Variants in RP1 observed in about 807,000 individuals in gnomAD.
RP1 encodes oxygen-regulated protein 1.
Under a neutral mutation model 14.8 loss-of-function variants are expected in RP1, and 16 were observed. That is an observed-to-expected ratio of 1.08 (90% CI 0.73 to 1.65). RP1 has a LOEUF of 1.65. Ranked by LOEUF, RP1 falls within the 40% of genes most tolerant of loss-of-function variation. RP1 has a pLI of 0.00. For missense variants in RP1, 2,631 were observed against 2,535.0 expected (o/e 1.04, Z -0.81); for synonymous variants, 876 against 883.6 (o/e 0.99, Z 0.15).
exon 29 of RP1, chr8:54,870,532 G>T (rs987253372): frequency 6.6e-6 from 1 of 152,180 alleles, no homozygotes; most frequent in Admixed American, 6.5e-5. Context: ...GGGTCCACTT[G>T]CAGTTTGAGC....
At chr8:54,685,807 C>G (rs1807550200) in intron 12 of RP1, among the ~76,000 whole-genome samples, 1 of 152,178 alleles carries the variant, frequency 6.6e-6, no homozygotes, top group African/African-American at 2.4e-5. Context: ...TTGAATGCAG[C>G]TGATGCAACA....
At chr8:54,763,479 C>T (rs1410945212) in intron 22 of RP1, among the ~76,000 whole-genome samples, 3 of 152,058 alleles carry the variant, frequency 2.0e-5, no homozygotes, top group African/African-American at 7.2e-5. Flanking sequence ...ATGCAAATAA[C>T]TACAAATAAT....
Position 54,626,547 on chromosome 8 carries a change from A to G in RP1, c.2665A>G (p.Thr889Ala). The change falls in exon 4 of 4, where the codon ACA becomes GCA. Residue 889 changes from threonine to alanine, a missense_variant. Coordinates refer to ENST00000220676, the MANE Select transcript of RP1 (RefSeq NM_006269.2). ...ASAILSKQHA[T>A]TRANSLASLK... ...TGCTATTTTAAGTAAACAACATGCT[A>G]CAACCAGGGCAAATTCTTTAGCTTC... The G allele has an allele frequency of 6.2e-7, 1 of 1,613,670 alleles. No homozygotes were observed. Among genetic ancestry groups the G allele is most frequent in the Admixed American group, 1.7e-5 (1 of 59,994 alleles).
intron 19 of RP1, among the ~76,000 whole-genome samples, chr8:54,746,166 T>C (rs190818224): frequency 1.1e-4 from 17 of 152,338 alleles, no homozygotes; most frequent in Non-Finnish European, 2.2e-4. Flanking sequence ...ACTTATGGAA[T>C]GCTTTTTTTT....
intron 15 of RP1, among the ~76,000 whole-genome samples, chr8:54,715,347 T>C (rs1365460261): frequency 6.6e-6 from 1 of 152,194 alleles, no homozygotes; most frequent in Non-Finnish European, 1.5e-5. Context: ...CTTTAATCAG[T>C]TTGTATTTGA....
chr8:54,663,370 GAA>G (rs1050600987), intron 6 of RP1, among the ~76,000 whole-genome samples: 1 of 150,902 alleles, frequency 6.6e-6, no homozygotes, highest in Non-Finnish European at 1.5e-5. Flanking sequence ...GATATGGAAA[GAA>G]AAAAAAAGTA....
At chr8:54,754,800 C>T (rs1405916621) in intron 19 of RP1, 5 of 1,490,742 alleles carry the variant, frequency 3.4e-6, no homozygotes, top group Non-Finnish European at 3.6e-6. Flanking sequence ...CTTCTAATTC[C>T]AGGTGACCAT....
intron 25 of RP1, among the ~76,000 whole-genome samples, chr8:54,844,363 T>C (rs1311252848): frequency 6.6e-6 from 1 of 152,234 alleles, no homozygotes; most frequent in Non-Finnish European, 1.5e-5. Context: ...CACCAACCTA[T>C]AGAAGGACCT....
chr8:54,607,742 G>A (rs2091939), intron 1 of RP1, among the ~76,000 whole-genome samples: 13,403 of 152,122 alleles, frequency 0.088, 1,871 homozygotes, highest in African/African-American at 0.3. Flanking sequence ...CCTCGGCAAC[G>A]GCACGGACCC....
intron 27 of RP1, among the ~76,000 whole-genome samples, chr8:54,865,268 C>A (rs1220169589): frequency 6.6e-6 from 1 of 152,018 alleles, no homozygotes; most frequent in African/African-American, 2.4e-5. Flanking sequence ...TAAGTCATAT[C>A]TTCTGTGAAT....
At chr8:54,863,074 T>TATATGCA (rs1812386554) in intron 27 of RP1, among the ~76,000 whole-genome samples, 1 of 145,962 alleles carries the variant, frequency 6.9e-6, no homozygotes. Context: ...TATATATATA[T>TATATGCA]ATATGCAGAA....
intron 24 of RP1, among the ~76,000 whole-genome samples, chr8:54,804,143 TG>T (rs3077303): frequency 0.67 from 100,205 of 149,904 alleles, 33,628 homozygotes; most frequent in African/African-American, 0.77. Context: ...ATTACATATG[TG>T]GGGGGGGGCT....
At chr8:54,679,912 G>A in exon 12 of RP1, 1 of 1,536,000 alleles carries the variant, frequency 6.5e-7, no homozygotes, top group Non-Finnish European at 8.7e-7. Flanking sequence ...TGACGCCATT[G>A]GAGAGAAGAC....
At chr8:54,731,966 C>T (rs1453926916) in intron 17 of RP1, among the ~76,000 whole-genome samples, 1 of 152,172 alleles carries the variant, frequency 6.6e-6, no homozygotes, top group East Asian at 1.9e-4. Context: ...CTCAGACCAC[C>T]ACCATACTTT....
At chr8:54,770,026 C>T (rs552448600), downstream of RP1, 14 of 485,154 alleles carry the variant, frequency 2.9e-5, no homozygotes, top group African/African-American at 2.4e-4. Context: ...TAAGGATTTG[C>T]CTCTGTTAAA....
At chr8:54,730,730 T>C (rs1034875749) in intron 17 of RP1, among the ~76,000 whole-genome samples, 1 of 152,262 alleles carries the variant, frequency 6.6e-6, no homozygotes, top group Admixed American at 6.5e-5. Context: ...ATGCCTTTGA[T>C]TATGTGATCC....
Position 54,586,597 on chromosome 8 carries a change from G to GGAGTCTACAGAGGCA in RP1, c.-13+27279_-13+27293dup, listed in dbSNP as rs751235275. Among the ~76,000 whole-genome samples the GGAGTCTACAGAGGCA allele has an allele frequency of 1.7e-3, 262 of 152,332 alleles. 3 individuals carry two copies. The highest frequency in any genetic ancestry group is 9.6e-4 in the East Asian group (5 of 5,186). ...TTGGCTATGCCCTGCCCCCAGAGGT[G>GGAGTCTACAGAGGCA]GAGTCTACAGAGGCAGGCAGGCCTC... On this transcript the variant is annotated intron_variant, in intron 1 of 22. Coordinates refer to the RP1 transcript ENST00000636932.
rs776784144 is a variant in RP1, at chr8:54,626,355, A to T, written c.2473A>T (p.Ile825Phe). ...CAAAAGTTTATTTCATGTATTTAAC[A>T]TCCTTGAGCAAAAACCCAAAGATTT... ...ENKSLFHVFN[I>F]LEQKPKDFYA... The change falls in exon 4 of 4, where the codon ATC becomes TTC. Residue 825 changes from isoleucine (I) to phenylalanine (F), a missense_variant. Physicochemically the swap from Ile to Phe is conservative, Grantham distance 21. Transcript: ENST00000220676. 2.0e-5 allele frequency: 32 copies of T among 1,613,550 alleles called. No homozygotes were observed. The highest frequency in any genetic ancestry group is 2.5e-5 in the Non-Finnish European group (30 of 1,179,872).
intron 12 of RP1, among the ~76,000 whole-genome samples, chr8:54,681,855 C>G (rs1807440657): frequency 6.6e-6 from 1 of 152,064 alleles, no homozygotes. Flanking sequence ...CATCCATGTC[C>G]CTGCAAAAGA....
Sources: allele counts gnomAD v4.1 joint callset (sites outside exome capture counted in the v4.1 genomes callset), GRCh38; gene constraint gnomAD v4.1.1; transcripts MANE v1.5; gene names NCBI Gene and HGNC (gene_info 2026-07-23, HGNC 2026-07-21).